Variants in ERCC3 observed in about 807,000 individuals in gnomAD.
ERCC3 encodes the protein ERCC excision repair 3, TFIIH core complex helicase subunit, also known as general transcription and DNA repair factor IIH helicase/translocase subunit XPB.
Under a neutral mutation model 94.2 loss-of-function variants are expected in ERCC3, and 66 were observed. The observed-to-expected ratio is 0.70, with a 90% CI of 0.57 to 0.86. The LOEUF is 0.86. Among genes scored for constraint, ERCC3 ranks in the 40% least tolerant of loss-of-function variants. The pLI, the probability that ERCC3 is intolerant of heterozygous loss-of-function variation, is 0.00. For missense variants in ERCC3, 829 were observed against 987.1 expected, an observed-to-expected ratio of 0.84 and a Z score of 2.15; for synonymous variants, 349 against 369.1, an observed-to-expected ratio of 0.95 and a Z score of 0.63.
chr2:127,292,382 GA>G (rs1685301497), intron 3 of ERCC3: 1 of 612,326 alleles, frequency 1.6e-6, no homozygotes, highest in East Asian at 2.9e-5. Context: ...GCCTCACCCA[GA>G]ACACAATGCT....
In ERCC3 at chr2:127,279,984, A is replaced by G. The variant is rs1011019; in HGVS notation, c.1527+463T>C. 0.76 allele frequency among the ~76,000 whole-genome samples: 115,253 copies of G among 152,104 alleles called. 43,873 individuals are homozygous for G. Among genetic ancestry groups the G allele is most frequent in the East Asian group, 0.99 (5,131 of 5,164 alleles). The stretch of plus-strand genomic sequence containing the variant: ...GTAGTGTCAGCAATTCTTCCATTTA[A>G]GCCACACTTCCACACACGAGTCAGC... On this transcript the variant is annotated intron_variant, in intron 9 of 14. Transcript: ENST00000285398. The surrounding 1 kb of genome is among the most constrained non-coding windows in gnomAD (Gnocchi z 4.7).
intron 7 of ERCC3, 22 bp downstream of exon 7, chr2:127,288,635 CCTT>C (rs779835843): frequency 4.4e-6 from 7 of 1,601,914 alleles, no homozygotes; most frequent in South Asian, 1.1e-5. Context: ...AGCCTGACCA[CCTT>C]CTTAACTCTG....
intron 8 of ERCC3, 67 bp downstream of exon 8, chr2:127,286,636 C>A: frequency 4.0e-6 from 6 of 1,515,212 alleles, no homozygotes; most frequent in Non-Finnish European, 5.5e-6. Context: ...AGTCCCTTTC[C>A]CAACCTAACA....
chr2:127,289,808 A>G lies in ERCC3; in HGVS notation c.538T>C (p.Cys180Arg). ...AGATGCTGGATTACATCAGGGTGGCAACTTTCAACGAAGTATCTGCAAGCA... is the reference window on the plus strand; with the variant it reads ...AGATGCTGGATTACATCAGGGTGGCGACTTTCAACGAAGTATCTGCAAGCA... ...LKHNRYFVES[C>R]HPDVIQHLLQ... Residue 180 changes from cysteine to arginine, a missense_variant, in exon 5 of 15, where the codon TGC (cysteine) becomes CGC (arginine). By Grantham distance (180) the Cys-to-Arg change is radical. Coordinates refer to ENST00000285398, the MANE Select transcript of ERCC3 (RefSeq NM_000122.2). The G allele has an allele frequency of 6.8e-6, 11 of 1,614,138 alleles. No homozygotes were observed. The highest frequency in any genetic ancestry group is 8.5e-6 in the Non-Finnish European group (10 of 1,180,026).
intron 7 of ERCC3, among the ~76,000 whole-genome samples, 192 bp from the exon 8 acceptor site, chr2:127,287,209 C>T (rs1238598191): frequency 6.6e-6 from 1 of 152,222 alleles, no homozygotes; most frequent in African/African-American, 2.4e-5. Flanking sequence ...ACTTCACATA[C>T]ATATGTGAGA....
rs144026269 is a variant in ERCC3 at position 127,268,509 on chromosome 2, T to A, written c.1945+2827A>T. Among the ~76,000 whole-genome samples, 494 of 151,516 alleles carry A rather than the reference T, an allele frequency of 3.3e-3. 2 individuals are homozygous for A. The highest frequency in any genetic ancestry group is 5.4e-3 in the Non-Finnish European group (366 of 67,822). On this transcript the variant is annotated intron_variant, in intron 12 of 14. Coordinates refer to ENST00000285398, the MANE Select transcript of ERCC3 (RefSeq NM_000122.2). ...AACTCCTGAGTTCAAGCAATCTGCCTACCTTGGCCTCCCAAAGTGCTGGGA... is the reference window on the plus strand; with the variant it reads ...AACTCCTGAGTTCAAGCAATCTGCCAACCTTGGCCTCCCAAAGTGCTGGGA...
At chr2:127,273,088 C>T (rs987814841) in intron 10 of ERCC3, 127 bp from the exon 11 acceptor site, 14 of 654,564 alleles carry the variant, frequency 2.1e-5, no homozygotes, top group African/African-American at 1.6e-4. Context: ...GTAGGAATAT[C>T]GTTACACCCA....
rs1483376445 is a variant in ERCC3, at chr2:127,259,020, C to T, written c.2217+276G>A. Among the ~76,000 whole-genome samples the T allele has an allele frequency of 6.6e-6, 1 of 152,132 alleles. No individual in the cohort carries two copies. Among genetic ancestry groups the T allele is most frequent in the Non-Finnish European group, 1.5e-5 (1 of 68,026 alleles). On this transcript the variant is annotated intron_variant, in intron 14 of 14. Transcript: ENST00000285398. This position sits in a 1 kb window ranked among gnomAD's most constrained non-coding sequence, Gnocchi z 4.9. The stretch of plus-strand genomic sequence containing the variant: ...AGGTGAGCTGGGGTCACCTGCTTGC[C>T]ATCCTGGGCTTCAACATCAAGATTT...
In ERCC3 at chr2:127,271,094, A is replaced by G. The variant is rs1684533259; in HGVS notation, c.1945+242T>C. On this transcript the variant is annotated intron_variant, in intron 12 of 14. Transcript: ENST00000285398. This position sits in a 1 kb window ranked among gnomAD's most constrained non-coding sequence, Gnocchi z 5.0. ...TCACCATCTACCAACACAGCTGCAC[A>G]GTGTACAGAGCACATCTGTGTGGAT... 1.3e-5 allele frequency among the ~76,000 whole-genome samples: 2 copies of G among 152,186 alleles called. No homozygotes were observed. Among genetic ancestry groups the G allele is most frequent in the African/African-American group, 4.8e-5 (2 of 41,440 alleles).
In ERCC3 at chr2:127,288,877, C is replaced by A; in HGVS notation, c.823-13G>T. The A allele has an allele frequency of 6.2e-7, 1 of 1,604,272 alleles. No individual in the cohort carries two copies. The highest frequency in any genetic ancestry group is 8.5e-7 in the Non-Finnish European group (1 of 1,171,846). On this transcript the variant is annotated splice_polypyrimidine_tract_variant and intron_variant, in intron 6 of 14. Transcript: ENST00000285398. ...CCTCAATCATTTCCTGGAAAGAGGGCACAAAAGGGGTTTTAAAATCTTGTT... is the reference window on the plus strand; with the variant it reads ...CCTCAATCATTTCCTGGAAAGAGGGAACAAAAGGGGTTTTAAAATCTTGTT...
At chr2:127,263,999 C>A (rs977260679) in intron 12 of ERCC3, among the ~76,000 whole-genome samples, 1 of 152,118 alleles carries the variant, frequency 6.6e-6, no homozygotes, top group Non-Finnish European at 1.5e-5. Context: ...CAAGAGCCAC[C>A]GTGCCCGGCT....
rs549186364 is a variant in ERCC3 at position 127,262,083 on chromosome 2, C to G, written c.1946-737G>C. The G allele has an allele frequency of 3.3e-5, 5 of 152,732 alleles. No homozygotes were observed. In the East Asian group the frequency reaches 9.6e-4, roughly 29 times the overall value. The allele number at this position is 152,732 out of a possible 1,614,324, so 9.5% of individuals were successfully genotyped here. A position where few individuals can be genotyped will look rare whatever the true frequency, so the allele number is the denominator to read the frequency against. ...CAAAAAGTGGAAACAGCCCAAATGT[C>G]CATCAACAGATGTGTGGATAAATAA... is the stretch of plus-strand genomic sequence containing the variant. On this transcript the variant is annotated intron_variant, in intron 12 of 14. Transcript: ENST00000285398.
rs1409030527 is a variant in ERCC3 at position 127,280,060 on chromosome 2, A to G, written c.1527+387T>C. On this transcript the variant is annotated intron_variant, in intron 9 of 14. Transcript: ENST00000285398. This position sits in a 1 kb window ranked among gnomAD's most constrained non-coding sequence, Gnocchi z 6.3. ...TCACACACTTCCCAGCAGGGCTGGGAGCATATCAGTTAGGCGCTTGGGGCT... is the reference window on the plus strand; with the variant it reads ...TCACACACTTCCCAGCAGGGCTGGGGGCATATCAGTTAGGCGCTTGGGGCT... 6.6e-6 allele frequency among the ~76,000 whole-genome samples: 1 copy of G among 152,018 alleles called. No homozygotes were observed. Among genetic ancestry groups the G allele is most frequent in the African/African-American group, 2.4e-5 (1 of 41,392 alleles).
At position 127,289,424 on chromosome 2, in the gene ERCC3, G is replaced by A; in HGVS notation, c.735C>T (p.Pro245=). Residue 245 remains proline (P), a synonymous_variant, in exon 6 of 15, where the codon CCC becomes CCT. Transcript: ENST00000285398. ...GCTCATAGAAGTCAAACAGGTCCAT[G>A]GGGATGTCAGATTTACCCTGTGGAT... ...VTDPQGKSDI[P]MDLFDFYEQM... The A allele has an allele frequency of 6.2e-7, 1 of 1,613,076 alleles. No individual in the cohort carries two copies. The highest frequency in any genetic ancestry group is 1.8e-4 in the Middle Eastern group (1 of 5,448).
chr2:127,290,519 C>G (rs1462707950), intron 3 of ERCC3: 6 of 566,368 alleles, frequency 1.1e-5, no homozygotes, highest in East Asian at 3.1e-5. Context: ...TTATAAAACG[C>G]TGCTTAAAAT....
Position 127,280,391 on chromosome 2 carries a change from C to T in ERCC3, c.1527+56G>A. Reference sequence around the variant, plus strand: ...CCCATGAGGAATCGATCTGATCACTCCCCTGCCCATAGGAGGAGGCCCTTT... The same window carrying T: ...CCCATGAGGAATCGATCTGATCACTTCCCTGCCCATAGGAGGAGGCCCTTT... On this transcript the variant is annotated intron_variant, in intron 9 of 14. Coordinates refer to ENST00000285398, the MANE Select transcript of ERCC3 (RefSeq NM_000122.2). The surrounding 1 kb of genome is among the most constrained non-coding windows in gnomAD (Gnocchi z 6.3). The T allele has an allele frequency of 5.4e-6, 8 of 1,486,444 alleles. No homozygotes were observed. Among genetic ancestry groups the T allele is most frequent in the Non-Finnish European group, 5.6e-6 (6 of 1,079,956 alleles). 92.1% of individuals were successfully genotyped at this position (1,486,444 alleles called of 1,614,324 possible). A position where few individuals can be genotyped will look rare whatever the true frequency, so the allele number is the denominator to read the frequency against.
chr2:127,269,842 C>A (rs2104745610), intron 12 of ERCC3, among the ~76,000 whole-genome samples: 1 of 151,992 alleles, frequency 6.6e-6, no homozygotes, highest in Non-Finnish European at 1.5e-5. Flanking sequence ...AATGGTGAAA[C>A]CCCGTCTTTA....
At chr2:127,270,976 C>T (rs1684528969) in intron 12 of ERCC3, among the ~76,000 whole-genome samples, 1 of 152,226 alleles carries the variant, frequency 6.6e-6, no homozygotes, top group African/African-American at 2.4e-5. Flanking sequence ...GTTCCAGAAG[C>T]AGCTTCCAGC....
intron 12 of ERCC3, among the ~76,000 whole-genome samples, chr2:127,263,490 C>T (rs1392894549): frequency 1.3e-5 from 2 of 152,156 alleles, no homozygotes; most frequent in South Asian, 2.1e-4. Flanking sequence ...CGAAACTTTA[C>T]TCAAGTTGCC....
Sources: allele counts gnomAD v4.1 joint callset (sites outside exome capture counted in the v4.1 genomes callset), GRCh38; gene constraint gnomAD v4.1.1; non-coding constraint Gnocchi (gnomAD v3.1); transcripts MANE v1.5; gene names NCBI Gene and HGNC (gene_info 2026-07-23, HGNC 2026-07-21).